The following ADH1B variants were observed in gnomAD, a reference collection of about 807,000 sequenced individuals.
The protein encoded by ADH1B is alcohol dehydrogenase 1B (class I), beta polypeptide, also known as all-trans-retinol dehydrogenase [NAD(+)] ADH1B.
Under a neutral mutation model 34.6 loss-of-function variants are expected in ADH1B, and 29 were observed. The observed-to-expected ratio is 0.84, with a 90% CI of 0.62 to 1.14. ADH1B has a LOEUF of 1.14. ADH1B is among the 50% of genes most tolerant of loss of function. The pLI is 0.00. For missense variants in ADH1B, 424 were observed against 468.4 expected (o/e 0.91, Z 0.87); for synonymous variants, 170 against 175.5 (o/e 0.97, Z 0.25).
At chr4:99,317,713 C>T (rs753060160) in intron 3 of ADH1B, 31 of 267,444 alleles carry the variant, frequency 1.2e-4, no homozygotes, top group Non-Finnish European at 1.7e-4. Context: ...AGACAGTGTT[C>T]AGCCAACACT....
In ADH1B at chr4:99,307,873, G is replaced by C. The variant is rs1477618842; in HGVS notation, c.1104-9C>G. 1 of 1,613,932 alleles carries C rather than the reference G, an allele frequency of 6.2e-7. No individual in the cohort carries two copies. The highest frequency in any genetic ancestry group is 1.1e-5 in the South Asian group (1 of 91,068). The stretch of plus-strand genomic sequence containing the variant: ...TCAGGACGGTACGGATACTGCAATA[G>C]GAAAGAAGAGACATTGTGTTAACAT... On this transcript the variant is annotated splice_polypyrimidine_tract_variant and intron_variant, in intron 8 of 8. Transcript: ENST00000305046.
At chr4:99,321,023 C>T in intron 1 of ADH1B, 1 of 733,382 alleles carries the variant, frequency 1.4e-6, no homozygotes, top group Non-Finnish European at 1.9e-6. Context: ...ATTTACAAAT[C>T]AGTCATGATT....
rs990984385 is a variant in ADH1B, at chr4:99,307,694, T to C, written c.*146A>G. 25 of 966,028 alleles carry C rather than the reference T, an allele frequency of 2.6e-5. No individual in the cohort carries two copies. The African/African-American group carries it at 3.7e-4, about 14-fold the overall frequency. The allele number at this position is 966,028 out of a possible 1,614,324, so 59.8% of individuals were successfully genotyped here. A position where few individuals can be genotyped will look rare whatever the true frequency, so the allele number is the denominator to read the frequency against. The stretch of plus-strand genomic sequence containing the variant: ...TTCCTGAAAAATAATTTCCCATCAA[T>C]TTCCATTTCTTTGGAAAGCCCCCAT... On this transcript the variant is annotated 3_prime_UTR_variant, in exon 9 of 9. Coordinates refer to ENST00000305046, the MANE Select transcript of ADH1B (RefSeq NM_000668.6).
chr4:99,307,237 C>T lies in ADH1B; in HGVS notation c.*603G>A, dbSNP rs1014114457. The T allele has an allele frequency of 6.6e-6, 1 of 152,384 alleles. No individual in the cohort carries two copies. Among genetic ancestry groups the T allele is most frequent in the Admixed American group, 6.5e-5 (1 of 15,274 alleles). 9.4% of individuals were successfully genotyped at this position (152,384 alleles called of 1,614,324 possible). A position where few individuals can be genotyped will look rare whatever the true frequency, so the allele number is the denominator to read the frequency against. On this transcript the variant is annotated 3_prime_UTR_variant, in exon 9 of 9. Coordinates refer to ENST00000305046, the MANE Select transcript of ADH1B (RefSeq NM_000668.6). The stretch of plus-strand genomic sequence containing the variant: ...AAATAGTATAAAAGTCATAAAAACA[C>T]TGCCATTTACTGTAGTAAAATGTGG...
At chr4:99,312,012 GATT>G (rs538801308) in intron 6 of ADH1B, among the ~76,000 whole-genome samples, 4 of 152,132 alleles carry the variant, frequency 2.6e-5, no homozygotes, top group Non-Finnish European at 5.9e-5. Context: ...CTCTTAAGTG[GATT>G]CCTATTCTAC....
intron 5 of ADH1B, chr4:99,314,305 C>A: frequency 1.4e-6 from 1 of 707,962 alleles, no homozygotes; most frequent in Non-Finnish European, 2.2e-6. Context: ...ATCTGGGGAG[C>A]TTTACAAAAT....
chr4:99,318,440 G>A (rs886645370), intron 2 of ADH1B: 1 of 543,070 alleles, frequency 1.8e-6, no homozygotes, highest in Non-Finnish European at 3.1e-6. Context: ...TAAGTCTTAT[G>A]TAAGAATGCA....
intron 8 of ADH1B, among the ~76,000 whole-genome samples, chr4:99,309,343 A>T (rs892879640): frequency 1.3e-5 from 2 of 152,198 alleles, no homozygotes; most frequent in African/African-American, 4.8e-5. Flanking sequence ...TACTGAAAGT[A>T]CATGAAAGTG....
rs754699804 is a variant in ADH1B at position 99,314,071 on chromosome 4, C to G, written c.578G>C (p.Gly193Ala). 21 of 1,612,598 alleles carry G rather than the reference C, an allele frequency of 1.3e-5. No homozygotes were observed. In the African/African-American group the frequency reaches 2.7e-4, roughly 21 times the overall value. The change falls in exon 6 of 9, where the codon GGC becomes GCC. Residue 193 changes from glycine to alanine, a missense_variant. Physicochemically the swap from Gly to Ala is moderately conservative, Grantham distance 60 (BLOSUM62 0). Coordinates refer to ENST00000305046, the MANE Select transcript of ADH1B (RefSeq NM_000668.6). ...SAVNVAKVTPGSTCAVFGLGG... is the reference protein window; with the variant it reads ...SAVNVAKVTPASTCAVFGLGG... ...CAGGCCAAACACAGCACAGGTAGAG[C>G]CTGGGGTGACCTGTGTTTTCAGAAA...
intron 3 of ADH1B, 92 bp downstream of exon 3, chr4:99,317,954 C>T: frequency 6.4e-7 from 1 of 1,563,248 alleles, no homozygotes; most frequent in Non-Finnish European, 8.6e-7. Context: ...CTTGTGCAAG[C>T]ACTTTCGTCT....
In ADH1B at chr4:99,318,842, G is replaced by T. The variant is rs906020550; in HGVS notation, c.63C>A (p.Pro21=). ...CAACCTCCACATCCTCAATGGAAAAGGGTTTCTTTACCTCCCATAGCACAG... is the reference window on the plus strand; with the variant it reads ...CAACCTCCACATCCTCAATGGAAAATGGTTTCTTTACCTCCCATAGCACAG... ...KAAVLWEVKK[P]FSIEDVEVAP... The change falls in exon 2 of 9, where the codon CCC becomes CCA. Residue 21 remains proline (P), a synonymous_variant. Transcript: ENST00000305046. 1.2e-6 allele frequency: 2 copies of T among 1,613,798 alleles called. No individual in the cohort carries two copies. Among genetic ancestry groups the T allele is most frequent in the Non-Finnish European group, 1.7e-6 (2 of 1,179,916 alleles).
intron 3 of ADH1B, 112 bp from the exon 4 acceptor site, chr4:99,316,414 G>A (rs564905714): frequency 3.6e-6 from 4 of 1,097,266 alleles, no homozygotes; most frequent in East Asian, 2.6e-5. Context: ...AAGTCTTTAA[G>A]GAATAGAGTT....
At chr4:99,320,494 G>T (rs1171653341) in intron 1 of ADH1B, 1 of 164,198 alleles carries the variant, frequency 6.1e-6, no homozygotes, top group Non-Finnish European at 1.3e-5. Context: ...AGTTGCACAG[G>T]TTTATGTAAT....
Position 99,306,801 on chromosome 4 carries a change from G to T in ADH1B, c.*1039C>A, listed in dbSNP as rs1733621086. 1 of 152,056 alleles carries T rather than the reference G, an allele frequency of 6.6e-6. No individual in the cohort carries two copies. Among genetic ancestry groups the T allele is most frequent in the South Asian group, 2.1e-4 (1 of 4,822 alleles). The allele number at this position is 152,056 out of a possible 1,614,324, so 9.4% of individuals were successfully genotyped here. A position where few individuals can be genotyped will look rare whatever the true frequency, so the allele number is the denominator to read the frequency against. ...TTAAGACATGGTAGTTAATAGAAAAGTTCTAGATTGAAAACAATTTTGCAA... is the reference window on the plus strand; with the variant it reads ...TTAAGACATGGTAGTTAATAGAAAATTTCTAGATTGAAAACAATTTTGCAA... On this transcript the variant is annotated 3_prime_UTR_variant, in exon 9 of 9. Coordinates refer to ENST00000305046, the MANE Select transcript of ADH1B (RefSeq NM_000668.6).
rs1458778166 is a variant in ADH1B at position 99,315,953 on chromosome 4, C to T, written c.512G>A (p.Cys171Tyr). The change falls in exon 5 of 9, where the codon TGC (cysteine) becomes TAC (tyrosine). Residue 171 changes from cysteine (C) to tyrosine (Y), a missense_variant. Physicochemically the swap from Cys to Tyr is radical, Grantham distance 194. This residue lies in a region of ADH1B where 291 missense variants were observed against 300.4 expected (regional missense o/e 0.97). Coordinates refer to ENST00000305046, the MANE Select transcript of ADH1B (RefSeq NM_000668.6). Reference sequence around the variant, plus strand: ...AGTCGAGAATCCACAGCCAATGAGGCAGACTTTCTCCAGGGGCGAGGCTGC... The same window carrying T: ...AGTCGAGAATCCACAGCCAATGAGGTAGACTTTCTCCAGGGGCGAGGCTGC... ...IDAASPLEKV[C>Y]LIGCGFSTGY... The T allele has an allele frequency of 6.2e-7, 1 of 1,614,210 alleles. No homozygotes were observed. The highest frequency in any genetic ancestry group is 1.1e-5 in the South Asian group (1 of 91,078).
chr4:99,315,625 G>T, intron 5 of ADH1B: 1 of 510,658 alleles, frequency 2.0e-6, no homozygotes, highest in Non-Finnish European at 3.5e-6. Flanking sequence ...ATTACTAAAT[G>T]AATTCTTAGG....
At position 99,306,742 on chromosome 4, in the gene ADH1B, A is replaced by G. The variant is rs1335246096; in HGVS notation, c.*1098T>C. 6.6e-6 allele frequency: 1 copy of G among 152,220 alleles called. No individual in the cohort carries two copies. Among genetic ancestry groups the G allele is most frequent in the African/African-American group, 2.4e-5 (1 of 41,466 alleles). The allele number at this position is 152,220 out of a possible 1,614,324, so 9.4% of individuals were successfully genotyped here. A position where few individuals can be genotyped will look rare whatever the true frequency, so the allele number is the denominator to read the frequency against. ...TAACACAGGTCTTTACATATTCAAA[A>G]TATTAAACTAATGCTAGGATTATAG... On this transcript the variant is annotated 3_prime_UTR_variant, in exon 9 of 9. Transcript: ENST00000305046.
At chr4:99,309,823 T>C (rs1271225628) in intron 8 of ADH1B, among the ~76,000 whole-genome samples, 2 of 152,084 alleles carry the variant, frequency 1.3e-5, no homozygotes, top group Admixed American at 6.6e-5. Flanking sequence ...CACTGAGCAT[T>C]GTTTGGGAAT....
chr4:99,310,398 T>C (rs1289138549), intron 8 of ADH1B: 1 of 428,468 alleles, frequency 2.3e-6, no homozygotes, highest in Admixed American at 3.0e-5. Context: ...GTCAGCTTTA[T>C]ATAGGTAGAA....
Sources: gnomAD v4.1 joint callset for allele counts (sites outside exome capture counted in the v4.1 genomes callset) on GRCh38, gnomAD v4.1.1 for gene constraint, gnomAD v4.1.1 regional missense constraint, MANE v1.5 for transcripts, NCBI Gene and HGNC (gene_info 2026-07-23, HGNC 2026-07-21) for gene names.